The following GRID2 variants were observed in gnomAD, a reference collection of about 807,000 sequenced individuals.
GRID2 encodes glutamate receptor ionotropic, delta-2.
Under a neutral mutation model 114.8 loss-of-function variants are expected in GRID2, and 33 were observed. The ratio of observed to expected loss-of-function variants is 0.29; its 90% CI spans 0.22 to 0.38. The LOEUF is 0.38. Ranked by LOEUF, GRID2 falls within the 10% of genes least tolerant of loss-of-function variation. The probability of loss-of-function intolerance (pLI) is 1.00; values close to 1 mark genes in which losing one functional copy is unlikely to be tolerated. For missense variants in GRID2, 1,184 were observed against 1,257.7 expected, an observed-to-expected ratio of 0.94 and a Z score of 0.89; for synonymous variants, 505 against 449.9, an observed-to-expected ratio of 1.12 and a Z score of -1.55.
chr4:93,707,427 G>A (rs1351277191), intron 14 of GRID2, among the ~76,000 whole-genome samples: 4 of 151,882 alleles, frequency 2.6e-5, no homozygotes, highest in Non-Finnish European at 5.9e-5. Context: ...CTTCAACCTT[G>A]GTAGGTTATA....
intron 2 of GRID2, among the ~76,000 whole-genome samples, chr4:92,666,920 T>G (rs1272659282): frequency 2.9e-4 from 44 of 151,550 alleles, no homozygotes; most frequent in Non-Finnish European, 1.0e-4. Flanking sequence ...CCTTTGTGTT[T>G]GTCCCTCCTT....
At chr4:93,148,403 T>C (rs1736444235) in intron 4 of GRID2, among the ~76,000 whole-genome samples, 1 of 152,004 alleles carries the variant, frequency 6.6e-6, no homozygotes, top group Admixed American at 6.6e-5. Context: ...AAGACAAAAA[T>C]AATCTGATCA....
chr4:93,794,238 G>A (rs1734752074), intron 1 of GRID2, among the ~76,000 whole-genome samples: 1 of 152,138 alleles, frequency 6.6e-6, no homozygotes, highest in Non-Finnish European at 1.5e-5. Context: ...TTATTTCCAG[G>A]GAGACAGGGC....
chr4:93,053,900 T>C (rs1726965224), intron 2 of GRID2, among the ~76,000 whole-genome samples: 1 of 151,966 alleles, frequency 6.6e-6, no homozygotes. Context: ...TGTGCCACAC[T>C]CTGCCCATGT....
intron 2 of GRID2, among the ~76,000 whole-genome samples, chr4:92,709,938 T>C (rs535994719): frequency 1.3e-5 from 2 of 152,228 alleles, no homozygotes; most frequent in East Asian, 3.9e-4. Context: ...GAATTTTCAG[T>C]ATATGTAACA....
intron 1 of GRID2, among the ~76,000 whole-genome samples, chr4:93,789,675 A>G (rs1734659227): frequency 6.6e-6 from 1 of 152,258 alleles, no homozygotes; most frequent in South Asian, 2.1e-4. Context: ...GGACATATCA[A>G]ACATTTTTCA....
chr4:92,706,913 A>G (rs946019667), intron 2 of GRID2, among the ~76,000 whole-genome samples: 3 of 152,136 alleles, frequency 2.0e-5, no homozygotes, highest in African/African-American at 7.2e-5. Flanking sequence ...TATATTACTA[A>G]TTCCAGTCAT....
At chr4:93,205,427 G>C (rs190115754) in intron 4 of GRID2, among the ~76,000 whole-genome samples, 2 of 151,972 alleles carry the variant, frequency 1.3e-5, no homozygotes, top group East Asian at 1.9e-4. Flanking sequence ...TTGTCCTTGC[G>C]ATAGTTTGCT....
chr4:93,716,285 C>T (rs547605538), intron 14 of GRID2, among the ~76,000 whole-genome samples: 74 of 152,040 alleles, frequency 4.9e-4, no homozygotes, highest in Non-Finnish European at 9.4e-4. Flanking sequence ...AACAACTATC[C>T]TGAGCATTGC....
intron 2 of GRID2, among the ~76,000 whole-genome samples, chr4:92,924,358 C>G (rs1348000176): frequency 6.6e-6 from 1 of 151,532 alleles, no homozygotes; most frequent in Non-Finnish European, 1.5e-5. Context: ...ATGTAACTAA[C>G]CTGCACATTG....
intron 14 of GRID2, among the ~76,000 whole-genome samples, chr4:93,749,383 T>G (rs981060191): frequency 6.6e-6 from 1 of 152,162 alleles, no homozygotes; most frequent in Non-Finnish European, 1.5e-5. Flanking sequence ...GAAGTGTTGC[T>G]GGGATGACTC....
At chr4:93,513,716 C>T (rs935323034) in intron 12 of GRID2, among the ~76,000 whole-genome samples, 17 of 152,066 alleles carry the variant, frequency 1.1e-4, no homozygotes, top group African/African-American at 4.1e-4. Context: ...AAATAATATA[C>T]ATCAAAAACA....
At chr4:93,552,398 A>T (rs1169309136) in intron 13 of GRID2, among the ~76,000 whole-genome samples, 1 of 152,124 alleles carries the variant, frequency 6.6e-6, no homozygotes, top group Non-Finnish European at 1.5e-5. Context: ...TATACCCAGT[A>T]ATGGGATGGC....
intron 13 of GRID2, among the ~76,000 whole-genome samples, chr4:93,554,189 T>C (rs567203296): frequency 1.9e-4 from 29 of 152,270 alleles, no homozygotes; most frequent in African/African-American, 6.3e-4. Flanking sequence ...AAAAAGGAAT[T>C]GGAACTTTAC....
chr4:92,739,406 A>G (rs903349496), intron 2 of GRID2, among the ~76,000 whole-genome samples: 1 of 152,144 alleles, frequency 6.6e-6, no homozygotes, highest in African/African-American at 2.4e-5. Context: ...CTTTAAACAC[A>G]CTTTAAACAT....
intron 2 of GRID2, among the ~76,000 whole-genome samples, chr4:92,897,019 G>A (rs1345255763): frequency 3.3e-5 from 5 of 151,930 alleles, no homozygotes; most frequent in South Asian, 2.1e-4. Context: ...TGGGATTATA[G>A]GTGTGAACCA....
chr4:93,006,816 T>C (rs1721584154), intron 2 of GRID2, among the ~76,000 whole-genome samples: 1 of 150,758 alleles, frequency 6.6e-6, no homozygotes, highest in Admixed American at 6.6e-5. Context: ...GCAATACCTA[T>C]ACAAATTTAT....
Position 92,540,843 on chromosome 4 carries a change from CAT to C in GRID2, c.89-49285_89-49284del, listed in dbSNP as rs1725903767. ...ATGCTGCTATAAAGACACATGCACA[CAT>C]ATGTTTATTGCGGCACTATTCACAA... On this transcript the variant is annotated intron_variant, in intron 1 of 15. Coordinates refer to ENST00000282020, the MANE Select transcript of GRID2 (RefSeq NM_001510.4). 4.6e-5 allele frequency among the ~76,000 whole-genome samples: 7 copies of C among 152,258 alleles called. No individual in the cohort carries two copies. In the South Asian group the frequency reaches 1.2e-3, roughly 27 times the overall value.
At chr4:92,305,475 G>T (rs1489717062) in intron 1 of GRID2, among the ~76,000 whole-genome samples, 1 of 152,190 alleles carries the variant, frequency 6.6e-6, no homozygotes, top group Non-Finnish European at 1.5e-5. Context: ...GCGGGGAAGC[G>T]AATGCGCGCA....
Sources: allele counts gnomAD v4.1 joint callset (sites outside exome capture counted in the v4.1 genomes callset), GRCh38; gene constraint gnomAD v4.1.1; transcripts MANE v1.5; gene names NCBI Gene and HGNC (gene_info 2026-07-23, HGNC 2026-07-21).